SPMAP1: variants seen among roughly 807,000 people sequenced by gnomAD.
SPMAP1 encodes the protein uncharacterized protein C17orf98.
the SPMAP1 span, among the ~76,000 whole-genome samples, chr17:38,837,687 A>AG: frequency 6.6e-6 from 1 of 151,618 alleles, no homozygotes; most frequent in Non-Finnish European, 1.5e-5. Flanking sequence ...TAAAAAAAAA[A>AG]AAAAAGAAAA....
At chr17:38,837,324 G>C in the SPMAP1 span, 1 of 889,460 alleles carries the variant, frequency 1.1e-6, no homozygotes, top group Non-Finnish European at 1.9e-6. Flanking sequence ...CCTGGGGTTT[G>C]CTGTGGGGAT....
chr17:38,835,239 G>T, the SPMAP1 span: 1 of 1,614,100 alleles, frequency 6.2e-7, no homozygotes, highest in Non-Finnish European at 8.5e-7. Flanking sequence ...GTGCTCTGAC[G>T]GAGGGCTGGA....
chr17:38,839,221 C>T, the SPMAP1 span, among the ~76,000 whole-genome samples: 190 of 151,226 alleles, frequency 1.3e-3, no homozygotes, highest in Admixed American at 2.3e-3. Context: ...CGTAAAATTA[C>T]GAGTCGATGC....
the SPMAP1 span, among the ~76,000 whole-genome samples, chr17:38,836,753 G>A: frequency 5.9e-5 from 9 of 151,990 alleles, no homozygotes; most frequent in African/African-American, 2.2e-4. Context: ...ACCACGCCTG[G>A]CTAATTGTTT....
chr17:38,840,644 AAAAAAAAAAAAAT>A, the SPMAP1 span, among the ~76,000 whole-genome samples: 1 of 149,568 alleles, frequency 6.7e-6, no homozygotes, highest in Non-Finnish European at 1.5e-5. Context: ...AAAAAAAAAA[AAAAAAAAAAAAAT>A]TAGCCCGGCG....
chr17:38,836,630 G>A, the SPMAP1 span, among the ~76,000 whole-genome samples: 33 of 125,304 alleles, frequency 2.6e-4, no homozygotes, highest in East Asian at 3.6e-3. Flanking sequence ...TCGCTGCATC[G>A]CCCAGGCTGG....
At chr17:38,837,292 A>AG in the SPMAP1 span, 1 of 1,256,666 alleles carries the variant, frequency 8.0e-7, no homozygotes, top group Admixed American at 1.7e-5. Context: ...CACAATGCTG[A>AG]GGGGGACACA....
At chr17:38,835,470 G>A in the SPMAP1 span, 17 of 1,016,358 alleles carry the variant, frequency 1.7e-5, no homozygotes, top group South Asian at 2.0e-4. Flanking sequence ...TGCTGAACAC[G>A]CAATCCACAA....
chr17:38,841,180 T>A, the SPMAP1 span: 1 of 1,613,146 alleles, frequency 6.2e-7, no homozygotes, highest in Non-Finnish European at 8.5e-7. Context: ...GAAGCTCCTA[T>A]ACCTGATCAG....
chr17:38,839,855 T>G, the SPMAP1 span, among the ~76,000 whole-genome samples: 1 of 152,240 alleles, frequency 6.6e-6, no homozygotes, highest in African/African-American at 2.4e-5. Flanking sequence ...CTCATGTATG[T>G]CCATATACAT....
At chr17:38,835,090 GAC>G in the SPMAP1 span, 3 of 1,290,716 alleles carry the variant, frequency 2.3e-6, no homozygotes, top group Non-Finnish European at 3.3e-6. Context: ...CACACGTGGA[GAC>G]ACAAATTAAT....
chr17:38,835,799 C>A, the SPMAP1 span, among the ~76,000 whole-genome samples: 1,370 of 152,148 alleles, frequency 9.0e-3, 26 homozygotes, highest in African/African-American at 0.032. Context: ...GAGGGTTTAC[C>A]CTGTTAGAAA....
At chr17:38,837,023 T>A in the SPMAP1 span, 1 of 739,158 alleles carries the variant, frequency 1.4e-6, no homozygotes, top group Admixed American at 1.9e-5. Flanking sequence ...TGTGGCACCA[T>A]CTGCTCATGT....
the SPMAP1 span, among the ~76,000 whole-genome samples, chr17:38,836,874 C>T: frequency 1.8e-4 from 28 of 151,612 alleles, no homozygotes; most frequent in South Asian, 3.1e-3. Context: ...GGATTACAGG[C>T]GTGAGCCACT....
the SPMAP1 span, among the ~76,000 whole-genome samples, chr17:38,835,562 C>T: frequency 6.6e-6 from 1 of 152,212 alleles, no homozygotes. Flanking sequence ...AACCCCGCAC[C>T]AGGAATAATT....
At chr17:38,837,331 G>C in the SPMAP1 span, 1 of 845,392 alleles carries the variant, frequency 1.2e-6, no homozygotes, top group South Asian at 1.3e-5. Context: ...TTTGCTGTGG[G>C]GATAGGGAAG....
At chr17:38,839,789 G>C in the SPMAP1 span, among the ~76,000 whole-genome samples, 11 of 151,932 alleles carry the variant, frequency 7.2e-5, no homozygotes, top group African/African-American at 2.7e-4. Flanking sequence ...GACAGAGCGA[G>C]ACTCCGTCTC....
the SPMAP1 span, chr17:38,835,327 C>T: frequency 6.2e-7 from 1 of 1,614,174 alleles, no homozygotes; most frequent in Non-Finnish European, 8.5e-7. Flanking sequence ...CATGCCCAGT[C>T]ACCTGCTGGA....
the SPMAP1 span, among the ~76,000 whole-genome samples, chr17:38,840,639 A>G: frequency 4.0e-5 from 6 of 149,124 alleles, no homozygotes; most frequent in East Asian, 1.2e-3. Context: ...AAAAAAAAAA[A>G]AAAAAAAAAA....
Sources: gnomAD v4.1 joint callset for allele counts (sites outside exome capture counted in the v4.1 genomes callset) on GRCh38, gnomAD v4.1.1 for gene constraint, MANE v1.5 for transcripts, NCBI Gene and HGNC (gene_info 2026-07-23, HGNC 2026-07-21) for gene names.